CAST: variants seen among roughly 807,000 people sequenced by gnomAD.
The protein encoded by CAST is MIR583 host.
In CAST, 76 loss-of-function variants were observed where a neutral mutation model predicts 119.6. The observed-to-expected ratio is 0.64, with a 90% confidence interval of 0.53 to 0.77. The LOEUF (loss-of-function observed/expected upper bound fraction) is 0.77, where lower values mean the gene tolerates loss of function less well. Among genes scored for constraint, CAST ranks in the 30% least tolerant of loss-of-function variants. The pLI, the probability that CAST is intolerant of heterozygous loss-of-function variation, is 0.00. For synonymous variants in CAST, 319 were observed against 331.6 expected, an observed-to-expected ratio of 0.96 and a Z score of 0.41; for missense variants, 953 against 946.5, an observed-to-expected ratio of 1.01 and a Z score of -0.09.
At chr5:96,586,482 C>T (rs1204199512) in intron 1 of CAST, among the ~76,000 whole-genome samples, 1 of 152,146 alleles carries the variant, frequency 6.6e-6, no homozygotes, top group Admixed American at 6.5e-5. Flanking sequence ...AGCCACAAGA[C>T]AGAAGAGAAG....
At chr5:96,206,444 A>G in the CAST span, among the ~76,000 whole-genome samples, 3 of 152,010 alleles carry the variant, frequency 2.0e-5, no homozygotes, top group Non-Finnish European at 2.9e-5. Context: ...TTGGTTTTAT[A>G]CTTAAGTCTT....
chr5:96,030,661 C>G, the CAST span, among the ~76,000 whole-genome samples: 2 of 152,284 alleles, frequency 1.3e-5, no homozygotes, highest in East Asian at 1.9e-4. Flanking sequence ...GAAGAGGTTA[C>G]TCTTCATCAC....
the CAST span, among the ~76,000 whole-genome samples, chr5:96,115,738 T>G: frequency 6.6e-6 from 1 of 152,182 alleles, no homozygotes; most frequent in Admixed American, 6.5e-5. Context: ...TACAGTTTTC[T>G]GGTGTGTCTT....
chr5:96,037,269 G>C, the CAST span, among the ~76,000 whole-genome samples: 1 of 152,114 alleles, frequency 6.6e-6, no homozygotes, highest in East Asian at 1.9e-4. Flanking sequence ...CTACCATGAC[G>C]CTGGGAAACA....
chr5:96,750,692 T>A lies in CAST; in HGVS notation c.1524+10T>A. 1 of 1,582,210 alleles carries A rather than the reference T, an allele frequency of 6.3e-7. No individual in the cohort carries two copies. The highest frequency in any genetic ancestry group is 8.7e-7 in the Non-Finnish European group (1 of 1,151,144). On this transcript the variant is annotated intron_variant, in intron 20 of 31. Transcript: ENST00000675179. Reference sequence around the variant, plus strand: ...TGAGCCGGCTACCTTGGTGAGTGACTCCCTGGGCATTTGAGCAGTGGCTTG... The same window carrying A: ...TGAGCCGGCTACCTTGGTGAGTGACACCCTGGGCATTTGAGCAGTGGCTTG...
At chr5:96,617,590 C>G (rs886713628) in intron 1 of CAST, among the ~76,000 whole-genome samples, 4 of 151,604 alleles carry the variant, frequency 2.6e-5, no homozygotes, top group South Asian at 2.1e-4. Flanking sequence ...GAGATCGAGA[C>G]CATCCTGGCT....
chr5:96,131,936 T>C, the CAST span, among the ~76,000 whole-genome samples: 1 of 151,980 alleles, frequency 6.6e-6, no homozygotes, highest in Non-Finnish European at 1.5e-5. Context: ...AGTAGCAGGG[T>C]ACATTGAAAA....
At chr5:96,622,857 CTT>C (rs5869727) in intron 1 of CAST, among the ~76,000 whole-genome samples, 8 of 64,468 alleles carry the variant, frequency 1.2e-4, no homozygotes, top group East Asian at 4.9e-4. Context: ...TTATGGGACT[CTT>C]TTTTTTTTTT....
the CAST span, among the ~76,000 whole-genome samples, chr5:96,105,976 G>A: frequency 5.9e-5 from 9 of 152,302 alleles, no homozygotes; most frequent in South Asian, 1.9e-3. Flanking sequence ...GAGTGTATGT[G>A]TCCAGGAATT....
At chr5:96,236,338 C>A in the CAST span, among the ~76,000 whole-genome samples, 1 of 152,184 alleles carries the variant, frequency 6.6e-6, no homozygotes, top group Non-Finnish European at 1.5e-5. Flanking sequence ...TTTGGCCTGG[C>A]TGTTTGTACC....
chr5:96,198,289 A>G, the CAST span, among the ~76,000 whole-genome samples: 12 of 152,084 alleles, frequency 7.9e-5, no homozygotes, highest in African/African-American at 2.9e-4. Context: ...GCTGTTTTTG[A>G]TAAGTATCTC....
chr5:96,449,823 T>C, the CAST span, among the ~76,000 whole-genome samples: 3 of 152,334 alleles, frequency 2.0e-5, no homozygotes, highest in South Asian at 2.1e-4. Context: ...TGCACCTTGG[T>C]GTGAGAACCC....
At chr5:96,047,095 C>A in the CAST span, among the ~76,000 whole-genome samples, 1 of 152,098 alleles carries the variant, frequency 6.6e-6, no homozygotes, top group Non-Finnish European at 1.5e-5. Context: ...AAATATATAG[C>A]CTAATAGTTT....
chr5:96,561,144 T>C (rs1020391372), intron 1 of CAST, among the ~76,000 whole-genome samples: 2 of 133,960 alleles, frequency 1.5e-5, no homozygotes, highest in African/African-American at 5.7e-5. Flanking sequence ...CAGATGGGAG[T>C]TGAACAATGA....
At chr5:96,640,253 G>C (rs1264526931) in intron 1 of CAST, among the ~76,000 whole-genome samples, 1 of 152,132 alleles carries the variant, frequency 6.6e-6, no homozygotes, top group East Asian at 1.9e-4. Context: ...GATTACGCTG[G>C]GCTTTATGCA....
At chr5:95,989,698 T>G in the CAST span, among the ~76,000 whole-genome samples, 2 of 152,188 alleles carry the variant, frequency 1.3e-5, no homozygotes, top group Admixed American at 6.6e-5. Flanking sequence ...TTTTTTAATT[T>G]AGAAAGACTT....
At chr5:96,071,644 C>T in the CAST span, among the ~76,000 whole-genome samples, 1 of 152,132 alleles carries the variant, frequency 6.6e-6, no homozygotes, top group African/African-American at 2.4e-5. Context: ...TGTCTCTCAC[C>T]TTTCTGGTTT....
chr5:96,691,111 T>C (rs1752677035), intron 2 of CAST, among the ~76,000 whole-genome samples: 1 of 152,188 alleles, frequency 6.6e-6, no homozygotes, highest in Admixed American at 6.5e-5. Context: ...TATTAGTCAT[T>C]TCCCCTACTT....
At chr5:96,319,698 T>G in the CAST span, among the ~76,000 whole-genome samples, 1 of 152,106 alleles carries the variant, frequency 6.6e-6, no homozygotes. Context: ...GTAAGCAACC[T>G]CACTTTTGGG....
Sources: allele counts gnomAD v4.1 joint callset (sites outside exome capture counted in the v4.1 genomes callset), GRCh38; gene constraint gnomAD v4.1.1; transcripts MANE v1.5; gene names NCBI Gene and HGNC (gene_info 2026-07-23, HGNC 2026-07-21).